The following RBMS1 variants were observed in gnomAD, a reference collection of about 807,000 sequenced individuals.
RBMS1 encodes the protein RNA-binding motif, single-stranded-interacting protein 1.
In RBMS1, 17 loss-of-function variants were observed where a neutral mutation model predicts 62.3. That is an observed-to-expected ratio of 0.27 (90% CI 0.19 to 0.41). RBMS1 has a LOEUF of 0.41. RBMS1 is among the 10% of genes least tolerant of loss of function. RBMS1 has a pLI of 1.00. For missense variants in RBMS1, 334 were observed against 504.5 expected (o/e 0.66, Z 3.24); for synonymous variants, 172 against 170.0 (o/e 1.01, Z -0.09).
intron 1 of RBMS1, among the ~76,000 whole-genome samples, chr2:160,472,592 A>G (rs952265846): frequency 1.3e-5 from 2 of 152,238 alleles, no homozygotes; most frequent in African/African-American, 4.8e-5. Flanking sequence ...GAAAGAGGAA[A>G]TCAGGAAATG....
chr2:160,326,988 A>G (rs1163597739), intron 2 of RBMS1, among the ~76,000 whole-genome samples: 1 of 152,230 alleles, frequency 6.6e-6, no homozygotes, highest in African/African-American at 2.4e-5. Context: ...CCAGCCACAG[A>G]TGCAAAGCCT....
intron 7 of RBMS1, 24 bp downstream of exon 7, chr2:160,286,945 G>T (rs373110366): frequency 1.6e-6 from 2 of 1,256,958 alleles, no homozygotes; most frequent in Non-Finnish European, 2.2e-6. Flanking sequence ...CCCCCACCCC[G>T]CAAAGTTTCA....
intron 1 of RBMS1, among the ~76,000 whole-genome samples, chr2:160,374,637 T>TA (rs376878650): frequency 4.6e-5 from 7 of 151,820 alleles, no homozygotes; most frequent in East Asian, 1.9e-4. Flanking sequence ...ACAATAATAA[T>TA]AAAAAAAATT....
chr2:160,484,637 C>T (rs1166113836), intron 1 of RBMS1, among the ~76,000 whole-genome samples: 3 of 151,758 alleles, frequency 2.0e-5, no homozygotes, highest in Non-Finnish European at 2.9e-5. Flanking sequence ...TTGGGAGGCC[C>T]GGGGCGGGCG....
intron 1 of RBMS1, among the ~76,000 whole-genome samples, chr2:160,438,887 G>T (rs1466521935): frequency 6.6e-6 from 1 of 151,070 alleles, no homozygotes; most frequent in East Asian, 2.0e-4. Context: ...CCGGACGGGG[G>T]GCTGACTCCC....
intron 1 of RBMS1, among the ~76,000 whole-genome samples, chr2:160,368,440 A>T (rs1693529859): frequency 1.3e-5 from 2 of 152,180 alleles, no homozygotes; most frequent in Admixed American, 6.5e-5. Context: ...CAAACAAGAA[A>T]GTCAGGCATG....
intron 1 of RBMS1, among the ~76,000 whole-genome samples, chr2:160,465,266 C>T (rs1684640203): frequency 6.6e-6 from 1 of 152,108 alleles, no homozygotes; most frequent in South Asian, 2.1e-4. Flanking sequence ...TCTAGAAATT[C>T]AAGATTAAGT....
At chr2:160,485,063 G>A (rs1277042978) in intron 1 of RBMS1, among the ~76,000 whole-genome samples, 2 of 152,162 alleles carry the variant, frequency 1.3e-5, no homozygotes, top group Admixed American at 6.5e-5. Context: ...GTAGTGGTAA[G>A]CTCAGCATGA....
At chr2:160,353,687 T>G (rs987436265) in intron 2 of RBMS1, among the ~76,000 whole-genome samples, 1 of 152,088 alleles carries the variant, frequency 6.6e-6, no homozygotes, top group Admixed American at 6.6e-5. Context: ...TCAGGAGATA[T>G]GGACTCTTTT....
chr2:160,320,746 G>T (rs1690514054), intron 2 of RBMS1, among the ~76,000 whole-genome samples: 1 of 152,074 alleles, frequency 6.6e-6, no homozygotes, highest in African/African-American at 2.4e-5. Context: ...CGCTGATGCT[G>T]TGCTTCTTGT....
At chr2:160,386,339 C>A (rs551414630) in intron 1 of RBMS1, among the ~76,000 whole-genome samples, 4 of 152,252 alleles carry the variant, frequency 2.6e-5, no homozygotes, top group African/African-American at 9.6e-5. Flanking sequence ...AGTTCGAGAC[C>A]AGCCTGACCA....
At chr2:160,309,333 A>G (rs1365587283) in intron 4 of RBMS1, among the ~76,000 whole-genome samples, 1 of 152,188 alleles carries the variant, frequency 6.6e-6, no homozygotes, top group Non-Finnish European at 1.5e-5. Flanking sequence ...GAATGGATAC[A>G]ATAGATAGAT....
chr2:160,297,884 C>T (rs769676854), intron 6 of RBMS1, among the ~76,000 whole-genome samples: 7 of 152,218 alleles, frequency 4.6e-5, no homozygotes, highest in Non-Finnish European at 1.0e-4. Context: ...GCAAGGGCTC[C>T]TGTCACCTTT....
In RBMS1 at chr2:160,318,229, T is replaced by TAAAAAAAAAAAAAAAAAAAAAAGAAAAAA. The variant is rs1690337597; in HGVS notation, c.252-3_252-2insTTTTTTCTTTTTTTTTTTTTTTTTTTTTT. 1.0e-6 allele frequency: 1 copy of TAAAAAAAAAAAAAAAAAAAAAAGAAAAAA among 993,498 alleles called. No homozygotes were observed. The highest frequency in any genetic ancestry group is 1.3e-6 in the Non-Finnish European group (1 of 793,100). The allele number at this position is 993,498 out of a possible 1,614,324, so 61.5% of individuals were successfully genotyped here. ...TTTGTGGAGACTATTTTCCCATATCTAAAAAAAAAAAAAAAAAAAAAAAGG... is the reference window on the plus strand; with the variant it reads ...TTTGTGGAGACTATTTTCCCATATCTAAAAAAAAAAAAAAAAAAAAAAGAAAAAAAAAAAAAAAAAAAAAAAAAAAAAGG... On this transcript the variant is annotated splice_polypyrimidine_tract_variant and splice_region_variant and intron_variant, in intron 2 of 13. Transcript: ENST00000348849.
chr2:160,458,413 G>A (rs1684330210), intron 1 of RBMS1, among the ~76,000 whole-genome samples: 1 of 152,138 alleles, frequency 6.6e-6, no homozygotes, highest in South Asian at 2.1e-4. Context: ...GTCTTCACAT[G>A]GCAACCACAC....
intron 1 of RBMS1, among the ~76,000 whole-genome samples, chr2:160,393,776 CAAA>C (rs576344303): frequency 4.8e-5 from 4 of 83,824 alleles, no homozygotes. Context: ...ACTCCATCTC[CAAA>C]AAAAAAAAAA....
At chr2:160,306,509 G>C (rs1010957125) in intron 4 of RBMS1, among the ~76,000 whole-genome samples, 7 of 151,742 alleles carry the variant, frequency 4.6e-5, no homozygotes, top group African/African-American at 1.7e-4. Flanking sequence ...CGACCCTGTC[G>C]GTTAAAAACC....
intron 1 of RBMS1, among the ~76,000 whole-genome samples, chr2:160,373,159 G>T (rs1037264786): frequency 1.3e-5 from 2 of 152,000 alleles, no homozygotes; most frequent in Non-Finnish European, 2.9e-5. Flanking sequence ...GCCTGTCAAA[G>T]GAGAGGGGCC....
At chr2:160,310,834 A>G (rs1689812058) in intron 4 of RBMS1, among the ~76,000 whole-genome samples, 1 of 152,116 alleles carries the variant, frequency 6.6e-6, no homozygotes, top group Admixed American at 6.6e-5. Context: ...AAAACCTCAT[A>G]ATCACCGTCT....
Sources: gnomAD v4.1 joint callset for allele counts (sites outside exome capture counted in the v4.1 genomes callset) on GRCh38, gnomAD v4.1.1 for gene constraint, MANE v1.5 for transcripts, NCBI Gene and HGNC (gene_info 2026-07-23, HGNC 2026-07-21) for gene names.